TEN1: variants seen among roughly 807,000 people sequenced by gnomAD.
TEN1 encodes CST complex subunit TEN1.
TEN1 carries 6 observed loss-of-function variants against 9.3 expected under a neutral mutation model. That is an observed-to-expected ratio of 0.65 (90% CI 0.35 to 1.27). TEN1 has a LOEUF of 1.27. Among genes scored for constraint, TEN1 ranks in the 50% most tolerant of loss-of-function variants. TEN1 has a pLI of 0.03. For synonymous variants in TEN1, 65 were observed against 65.6 expected (o/e 0.99, Z 0.04); for missense variants, 149 against 158.2 (o/e 0.94, Z 0.31).
chr17:75,997,313 C>T (rs548705420), intron 3 of TEN1, among the ~76,000 whole-genome samples: 1 of 152,256 alleles, frequency 6.6e-6, no homozygotes, highest in African/African-American at 2.4e-5. Context: ...CTGGCATTCC[C>T]CTGCTCTGCC....
In TEN1 at chr17:75,991,553, G is replaced by C; in HGVS notation, c.180G>C (p.Lys60Asn). The C allele has an allele frequency of 6.4e-7, 1 of 1,552,316 alleles. No homozygotes were observed. Among genetic ancestry groups the C allele is most frequent in the Non-Finnish European group, 8.7e-7 (1 of 1,147,122 alleles). ...SDQHQVLVCT[K>N]LVEPFHAQVG... ...AGCACCAGGTTCTTGTCTGTACCAA[G>C]TTGGTGGAGCCCTTCCACGCCCAGG... is the stretch of plus-strand genomic sequence containing the variant. Residue 60 changes from lysine to asparagine, a missense_variant, in exon 3 of 4, where the codon AAG (lysine) becomes AAC (asparagine). Transcript: ENST00000397640.
chr17:75,996,283 C>T (rs961464620), intron 3 of TEN1, among the ~76,000 whole-genome samples: 12 of 151,842 alleles, frequency 7.9e-5, no homozygotes, highest in African/African-American at 2.9e-4. Context: ...GTCAGGAGTT[C>T]GAGACCGGCC....
chr17:75,991,427 CG>C, intron 2 of TEN1, 38 bp from the exon 3 acceptor site: 1 of 1,547,054 alleles, frequency 6.5e-7, no homozygotes, highest in Non-Finnish European at 8.7e-7. Flanking sequence ...GGTGATTCTA[CG>C]TATGGATGGA....
In TEN1 at chr17:75,991,517, C is replaced by T. The variant is rs377490229; in HGVS notation, c.144C>T (p.His48=). 2.8e-5 allele frequency: 43 copies of T among 1,552,186 alleles called. No homozygotes were observed. The highest frequency in any genetic ancestry group is 3.4e-5 in the Non-Finnish European group (39 of 1,147,124). ...CCAGAGTAACACTGATGGCTCAGCA[C>T]GGATCCGATCAGCACCAGGTTCTTG... ...IQSRVTLMAQ[H]GSDQHQVLVC... is the part of the protein sequence containing the mutation. Residue 48 remains histidine (H), a synonymous_variant, in exon 3 of 4, where the codon CAC becomes CAT. Coordinates refer to ENST00000397640, the MANE Select transcript of TEN1 (RefSeq NM_001113324.3).
chr17:75,980,398 A>T (rs1318108930), intron 1 of TEN1, among the ~76,000 whole-genome samples: 1 of 151,808 alleles, frequency 6.6e-6, no homozygotes. Flanking sequence ...GACAAGGGAG[A>T]TTCAGGGATT....
At chr17:75,986,459 T>G (rs2066153023) in intron 2 of TEN1, among the ~76,000 whole-genome samples, 175 bp downstream of exon 2, 1 of 152,006 alleles carries the variant, frequency 6.6e-6, no homozygotes, top group African/African-American at 2.4e-5. Context: ...CGCAGCACTT[T>G]GGGAGGCCGA....
At chr17:75,994,902 AG>A (rs2066209784) in intron 3 of TEN1, among the ~76,000 whole-genome samples, 1 of 152,072 alleles carries the variant, frequency 6.6e-6, no homozygotes, top group Non-Finnish European at 1.5e-5. Flanking sequence ...GCCTGGGCAG[AG>A]GGGGCACCCT....
rs2066246995 is a variant in TEN1, at chr17:76,000,325, G to T, written c.*63G>T. On this transcript the variant is annotated 3_prime_UTR_variant, in exon 4 of 4. Coordinates refer to ENST00000397640, the MANE Select transcript of TEN1 (RefSeq NM_001113324.3). This position sits in a 1 kb window ranked among gnomAD's most constrained non-coding sequence, Gnocchi z 5.9. ...GCCCGAACCCTCTGGAGCTGCAGGA[G>T]CCCGGGAGAGCACAGACGCCTCCCC... The T allele has an allele frequency of 1.3e-5, 20 of 1,507,864 alleles. 1 individual carries two copies. Among genetic ancestry groups the T allele is most frequent in the Non-Finnish European group, 1.8e-5 (20 of 1,123,090 alleles). The allele number at this position is 1,507,864 out of a possible 1,614,324, so 93.4% of individuals were successfully genotyped here.
intron 1 of TEN1, among the ~76,000 whole-genome samples, chr17:75,981,883 C>T (rs185342533): frequency 4.9e-4 from 75 of 152,168 alleles, no homozygotes; most frequent in Non-Finnish European, 8.8e-4. Flanking sequence ...CAAAAAAAGC[C>T]GAGCGAGGTG....
At chr17:75,987,890 C>G (rs2066161370) in intron 2 of TEN1, among the ~76,000 whole-genome samples, 1 of 130,134 alleles carries the variant, frequency 7.7e-6, no homozygotes, top group South Asian at 2.5e-4. Context: ...GCACTCCAGC[C>G]TGGGGGACAG....
At chr17:75,984,773 A>G (rs1276640713) in intron 1 of TEN1, 1 of 152,286 alleles carries the variant, frequency 6.6e-6, no homozygotes, top group African/African-American at 2.4e-5. Context: ...AACAGAGTTC[A>G]GTGGTACTGC....
rs942870158 is a variant in TEN1, at chr17:75,979,462, C to G, written c.-56C>G. 2.9e-6 allele frequency: 1 copy of G among 344,846 alleles called. No individual in the cohort carries two copies. Among genetic ancestry groups the G allele is most frequent in the African/African-American group, 2.2e-5 (1 of 46,096 alleles). 21.4% of individuals were successfully genotyped at this position (344,846 alleles called of 1,614,324 possible). ...ATCCCGCCCCTCCCCCGTCACGTGA[C>G]CACGCGAGGCGGAAAGAAGAAATCC... is the stretch of plus-strand genomic sequence containing the variant. On this transcript the variant is annotated 5_prime_UTR_variant, in exon 1 of 4. Transcript: ENST00000397640.
At chr17:75,999,209 G>A (rs1414867477) in intron 3 of TEN1, among the ~76,000 whole-genome samples, 1 of 152,078 alleles carries the variant, frequency 6.6e-6, no homozygotes, top group Non-Finnish European at 1.5e-5. Flanking sequence ...AGCTGGGTGT[G>A]GTGGTGCGTC....
intron 1 of TEN1, among the ~76,000 whole-genome samples, chr17:75,980,832 C>T (rs1015732817): frequency 6.6e-6 from 1 of 152,140 alleles, no homozygotes; most frequent in Non-Finnish European, 1.5e-5. Context: ...CACTCTTAAC[C>T]CCTAGGACCT....
chr17:75,986,387 T>G, intron 2 of TEN1, 103 bp downstream of exon 2: 1 of 1,113,458 alleles, frequency 9.0e-7, no homozygotes, highest in Non-Finnish European at 1.2e-6. Flanking sequence ...TAACTTCATC[T>G]AATTATGTTA....
chr17:75,982,756 G>A (rs1441981701), intron 1 of TEN1, among the ~76,000 whole-genome samples: 1 of 151,652 alleles, frequency 6.6e-6, no homozygotes, highest in Non-Finnish European at 1.5e-5. Flanking sequence ...TGTCGCCCAG[G>A]CTGGAGTGCA....
chr17:75,992,222 T>G (rs997386976), intron 3 of TEN1, among the ~76,000 whole-genome samples: 1 of 133,548 alleles, frequency 7.5e-6, no homozygotes, highest in Non-Finnish European at 1.7e-5. Context: ...ATCTGAGTCT[T>G]AAAAATTTTT....
chr17:75,980,173 C>CA (rs990817362), intron 1 of TEN1, among the ~76,000 whole-genome samples: 3 of 152,066 alleles, frequency 2.0e-5, no homozygotes, highest in East Asian at 2.0e-4. Flanking sequence ...CCCATCCCTA[C>CA]AAAAAATACC....
At chr17:75,997,766 T>TA (rs2066226133) in intron 3 of TEN1, among the ~76,000 whole-genome samples, 2 of 152,110 alleles carry the variant, frequency 1.3e-5, no homozygotes, top group African/African-American at 2.4e-5. Flanking sequence ...GTGCTCCGTA[T>TA]AACCCCTTCC....
Sources: allele counts gnomAD v4.1 joint callset (sites outside exome capture counted in the v4.1 genomes callset), GRCh38; gene constraint gnomAD v4.1.1; non-coding constraint Gnocchi (gnomAD v3.1); transcripts MANE v1.5; gene names NCBI Gene and HGNC (gene_info 2026-07-23, HGNC 2026-07-21).